PARD3: variants seen among roughly 807,000 people sequenced by gnomAD.
The protein encoded by PARD3 is par-3 family cell polarity regulator.
Under a neutral mutation model 155.4 loss-of-function variants are expected in PARD3, and 75 were observed. The observed-to-expected ratio is 0.48, with a 90% CI of 0.40 to 0.58. The LOEUF (loss-of-function observed/expected upper bound fraction) is 0.58, where lower values mean the gene tolerates loss of function less well. PARD3 is among the 20% of genes least tolerant of loss of function. PARD3 has a pLI of 0.00. For synonymous variants in PARD3, 576 were observed against 610.5 expected, an observed-to-expected ratio of 0.94 and a Z score of 0.83; for missense variants, 1,642 against 1,721.7, an observed-to-expected ratio of 0.95 and a Z score of 0.82.
chr10:34,526,551 C>G (rs1279156489), intron 2 of PARD3, among the ~76,000 whole-genome samples: 1 of 152,170 alleles, frequency 6.6e-6, no homozygotes, highest in Non-Finnish European at 1.5e-5. Flanking sequence ...CCCTTCCTTT[C>G]TAGTCTTTCA....
intron 1 of PARD3, among the ~76,000 whole-genome samples, chr10:34,798,413 A>G (rs1251535552): frequency 1.3e-5 from 2 of 151,878 alleles, no homozygotes; most frequent in African/African-American, 4.8e-5. Flanking sequence ...GGAAGAAGAA[A>G]AAAAAAACAT....
At chr10:34,133,964 T>C (rs573053853) in intron 22 of PARD3, among the ~76,000 whole-genome samples, 1 of 152,346 alleles carries the variant, frequency 6.6e-6, no homozygotes, top group Non-Finnish European at 1.5e-5. Flanking sequence ...TTCTTTGCTT[T>C]TCTTCTGACA....
chr10:34,788,003 C>T (rs899258585), intron 1 of PARD3, among the ~76,000 whole-genome samples: 14 of 149,078 alleles, frequency 9.4e-5, no homozygotes, highest in African/African-American at 3.5e-4. Flanking sequence ...AGGTGGCTAG[C>T]GAATTCCTGG....
chr10:34,701,009 G>C (rs908312762), intron 1 of PARD3, among the ~76,000 whole-genome samples: 1 of 151,760 alleles, frequency 6.6e-6, no homozygotes, highest in African/African-American at 2.4e-5. Context: ...CAAAATATAA[G>C]TCATAAAAAA....
intron 1 of PARD3, among the ~76,000 whole-genome samples, chr10:34,777,712 T>A (rs865844932): frequency 2.0e-5 from 3 of 150,816 alleles, no homozygotes; most frequent in Non-Finnish European, 3.0e-5. Flanking sequence ...TTTTTTTTTT[T>A]AAGAGATGGG....
At chr10:34,124,482 T>C (rs766140927) in intron 23 of PARD3, among the ~76,000 whole-genome samples, 2 of 152,194 alleles carry the variant, frequency 1.3e-5, no homozygotes, top group African/African-American at 2.4e-5. Context: ...AGTGCTAATA[T>C]TGGTAATTAT....
At chr10:34,704,327 A>G (rs2094330792) in intron 1 of PARD3, among the ~76,000 whole-genome samples, 1 of 152,248 alleles carries the variant, frequency 6.6e-6, no homozygotes, top group Admixed American at 6.5e-5. Context: ...GGTATCATAC[A>G]TGGTTCAGCT....
chr10:34,204,396 G>A (rs562908346), intron 22 of PARD3, among the ~76,000 whole-genome samples: 8 of 152,104 alleles, frequency 5.3e-5, no homozygotes, highest in Non-Finnish European at 8.8e-5. Context: ...ACCTCACGGC[G>A]CAGTGTTGGC....
At position 34,798,645 on chromosome 10, in the gene PARD3, C is replaced by T. The variant is rs1363704910; in HGVS notation, c.120+16231G>A. Among the ~76,000 whole-genome samples, 6 of 146,230 alleles carry T rather than the reference C, an allele frequency of 4.1e-5. No individual in the cohort carries two copies. The East Asian group carries it at 1.2e-3, about 30-fold the overall frequency. ...ACTAGAACCCGGGAGGCAGAGGTTGCAGTGAGCCGAGATGTCGCCATTGCA... is the reference window on the plus strand; with the variant it reads ...ACTAGAACCCGGGAGGCAGAGGTTGTAGTGAGCCGAGATGTCGCCATTGCA... On this transcript the variant is annotated intron_variant, in intron 1 of 24. Transcript: ENST00000374788.
chr10:34,385,399 G>C (rs1229273494), intron 7 of PARD3, among the ~76,000 whole-genome samples: 2 of 152,134 alleles, frequency 1.3e-5, no homozygotes, highest in Admixed American at 1.3e-4. Flanking sequence ...GCCTCCCAAA[G>C]TGCTGGGATT....
chr10:34,672,268 A>G (rs1306345089), intron 2 of PARD3, among the ~76,000 whole-genome samples: 1 of 152,192 alleles, frequency 6.6e-6, no homozygotes, highest in Non-Finnish European at 1.5e-5. Context: ...ACAACCCTGA[A>G]AACTTTTAAA....
rs891754303 is a variant in PARD3, at chr10:34,490,448, G to A, written c.404-20185C>T. ...TGTGTGTACACAAAACAAAATGCTC[G>A]TGCTTCATATCTATGTCAGAACATT... On this transcript the variant is annotated intron_variant, in intron 3 of 24. Coordinates refer to ENST00000374788, the MANE Select transcript of PARD3 (RefSeq NM_001184785.2). 3.3e-5 allele frequency among the ~76,000 whole-genome samples: 5 copies of A among 151,278 alleles called. No individual in the cohort carries two copies. In the South Asian group the frequency reaches 8.3e-4, roughly 25 times the overall value.
intron 1 of PARD3, among the ~76,000 whole-genome samples, chr10:34,774,327 A>C (rs907496167): frequency 6.6e-6 from 1 of 152,328 alleles, no homozygotes; most frequent in Middle Eastern, 3.4e-3. Flanking sequence ...ATCAAGGCTA[A>C]GGTTAAGACA....
intron 2 of PARD3, among the ~76,000 whole-genome samples, chr10:34,681,628 T>C (rs535245015): frequency 6.1e-5 from 9 of 146,578 alleles, no homozygotes; most frequent in Admixed American, 1.4e-4. Flanking sequence ...TCCTTTATTA[T>C]ATATAATATA....
At chr10:34,655,420 A>T (rs1199081599) in intron 2 of PARD3, among the ~76,000 whole-genome samples, 1 of 152,160 alleles carries the variant, frequency 6.6e-6, no homozygotes, top group Non-Finnish European at 1.5e-5. Flanking sequence ...TCCTGATCAT[A>T]CATGACTGTG....
chr10:34,210,115 C>T (rs943778470), intron 22 of PARD3, among the ~76,000 whole-genome samples: 1 of 152,070 alleles, frequency 6.6e-6, no homozygotes, highest in Non-Finnish European at 1.5e-5. Flanking sequence ...GTGCTCAATG[C>T]GAGGCCAGGA....
At chr10:34,766,913 T>A (rs1466319377) in intron 1 of PARD3, among the ~76,000 whole-genome samples, 1 of 152,058 alleles carries the variant, frequency 6.6e-6, no homozygotes, top group East Asian at 1.9e-4. Context: ...AGCAACTGAG[T>A]TAGGTCCTAA....
intron 22 of PARD3, among the ~76,000 whole-genome samples, chr10:34,155,004 C>T (rs1476537224): frequency 2.0e-5 from 3 of 152,110 alleles, no homozygotes; most frequent in African/African-American, 7.2e-5. Flanking sequence ...CAATAATAGA[C>T]AAGACATTAA....
chr10:34,321,018 G>C (rs1261596773), intron 19 of PARD3, among the ~76,000 whole-genome samples: 5 of 152,092 alleles, frequency 3.3e-5, no homozygotes, highest in Non-Finnish European at 5.9e-5. Flanking sequence ...TTATTTGATA[G>C]AGAAAAATCT....
Sources: allele counts gnomAD v4.1 joint callset (sites outside exome capture counted in the v4.1 genomes callset), GRCh38; gene constraint gnomAD v4.1.1; transcripts MANE v1.5; gene names NCBI Gene and HGNC (gene_info 2026-07-23, HGNC 2026-07-21).